TENM1: variants seen among roughly 807,000 people sequenced by gnomAD.
TENM1 encodes the protein teneurin transmembrane protein 1.
TENM1 carries 35 observed loss-of-function variants against 174.8 expected under a neutral mutation model. That is an observed-to-expected ratio of 0.20 (90% CI 0.15 to 0.27). The LOEUF (loss-of-function observed/expected upper bound fraction) is 0.27. Among genes scored for constraint, TENM1 ranks in the 10% least tolerant of loss-of-function variants. The pLI, the probability that TENM1 is intolerant of heterozygous loss-of-function variation, is 1.00. For synonymous variants in TENM1, 781 were observed against 798.7 expected (o/e 0.98, Z 0.37); for missense variants, 1,633 against 2,130.1 (o/e 0.77, Z 4.59).
At chrX:124,401,257 C>T (rs778275751) in intron 27 of TENM1, among the ~76,000 whole-genome samples, 9 of 111,911 alleles carry the variant, frequency 8.0e-5, no homozygotes, top group Non-Finnish European at 1.5e-4. Flanking sequence ...TATCATCTTA[C>T]CAAATGGGCC....
intron 3 of TENM1, among the ~76,000 whole-genome samples, chrX:124,827,557 G>A (rs1451820281): frequency 9.0e-6 from 1 of 111,554 alleles, no homozygotes; most frequent in East Asian, 2.8e-4. Flanking sequence ...TTTTGCTTGA[G>A]GGCCCTAAAC....
At chrX:124,689,116 T>G (rs1315027446) in intron 5 of TENM1, among the ~76,000 whole-genome samples, 1 of 111,997 alleles carries the variant, frequency 8.9e-6, no homozygotes, top group African/African-American at 3.2e-5. Flanking sequence ...TGGCTTCTTT[T>G]CTTTTTTATA....
intron 3 of TENM1, among the ~76,000 whole-genome samples, chrX:124,826,068 A>C: frequency 9.0e-6 from 1 of 111,486 alleles, no homozygotes; most frequent in Middle Eastern, 4.6e-3. Flanking sequence ...CTACTGCTGA[A>C]ATAATTTGAA....
At chrX:125,099,716 G>A in the TENM1 span, among the ~76,000 whole-genome samples, 1 of 111,274 alleles carries the variant, frequency 9.0e-6, no homozygotes, top group African/African-American at 3.3e-5. Context: ...CTTTTTAAAG[G>A]TTAATGAATT....
In TENM1 at chrX:124,788,783, C is replaced by G. The variant is rs752748136; in HGVS notation, c.536-51586G>C. 5.3e-5 allele frequency among the ~76,000 whole-genome samples: 6 copies of G among 112,635 alleles called. No individual in the cohort carries two copies. The East Asian group carries it at 1.7e-3, about 32-fold the overall frequency. On this transcript the variant is annotated intron_variant, in intron 3 of 31. Coordinates refer to ENST00000422452, the Ensembl canonical transcript of TENM1. ...CTACAGGGTATAGCCCCCCTCATGG[C>G]TGCTTTCATGGGCTTGTGTTGCATG...
intron 11 of TENM1, among the ~76,000 whole-genome samples, chrX:124,581,060 C>CTTTTT (rs1202109466): frequency 3.1e-5 from 2 of 63,967 alleles, no homozygotes; most frequent in East Asian, 7.1e-4. Flanking sequence ...ATACTTAGTT[C>CTTTTT]TTTTTTTTTT....
At chrX:124,781,683 A>T (rs1220789680) in intron 3 of TENM1, among the ~76,000 whole-genome samples, 6 of 111,237 alleles carry the variant, frequency 5.4e-5, no homozygotes, top group Non-Finnish European at 1.1e-4. Flanking sequence ...CTGGTCTCCA[A>T]AATGTATCCC....
intron 4 of TENM1, among the ~76,000 whole-genome samples, chrX:124,714,683 CATAAAT>C (rs1182023545): frequency 9.0e-6 from 1 of 111,049 alleles, no homozygotes; most frequent in Non-Finnish European, 1.9e-5. Flanking sequence ...TTAATATAAA[CATAAAT>C]ATAAATTAAA....
chrX:124,947,787 T>G (rs995498227), intron 1 of TENM1, among the ~76,000 whole-genome samples: 11 of 111,928 alleles, frequency 9.8e-5, no homozygotes, highest in African/African-American at 3.2e-4. Context: ...AAGTTAAGCC[T>G]CTTATGTGGA....
intron 15 of TENM1, among the ~76,000 whole-genome samples, chrX:124,533,419 C>T (rs1000970413): frequency 1.3e-4 from 15 of 111,125 alleles, no homozygotes; most frequent in Admixed American, 1.9e-4. Context: ...GAGGTATGTA[C>T]GGTGAGGGTC....
chrX:125,073,961 A>G, the TENM1 span, among the ~76,000 whole-genome samples: 7 of 112,078 alleles, frequency 6.2e-5, no homozygotes. Flanking sequence ...ATTAGGATTG[A>G]CATCAAAGAC....
intron 3 of TENM1, among the ~76,000 whole-genome samples, chrX:124,882,681 A>G (rs1315010022): frequency 8.9e-6 from 1 of 112,175 alleles, no homozygotes; most frequent in Admixed American, 9.4e-5. Context: ...TTTCTCTGAT[A>G]TGAGTAATGT....
intron 3 of TENM1, among the ~76,000 whole-genome samples, chrX:124,759,442 C>T (rs1309506680): frequency 9.0e-6 from 1 of 111,302 alleles, no homozygotes; most frequent in Admixed American, 9.6e-5. Context: ...ACACTGAACC[C>T]AATTTGTAGT....
At chrX:125,191,334 T>C in the TENM1 span, among the ~76,000 whole-genome samples, 1 of 111,970 alleles carries the variant, frequency 8.9e-6, no homozygotes, top group Non-Finnish European at 1.9e-5. Context: ...TGCTAGGTGA[T>C]ATGGATATAG....
the TENM1 span, among the ~76,000 whole-genome samples, chrX:125,125,805 A>C: frequency 2.7e-5 from 3 of 112,076 alleles, no homozygotes; most frequent in Admixed American, 1.9e-4. Context: ...TCAATACATC[A>C]TAAGAATCGT....
the TENM1 span, among the ~76,000 whole-genome samples, chrX:125,166,355 A>AT: frequency 9.0e-6 from 1 of 110,905 alleles, no homozygotes; most frequent in East Asian, 2.8e-4. Context: ...CACTATCTTG[A>AT]TTTTTTCACA....
At chrX:124,886,538 T>TAGAGAGAG (rs1471672479) in intron 3 of TENM1, among the ~76,000 whole-genome samples, 1 of 91,231 alleles carries the variant, frequency 1.1e-5, no homozygotes, top group African/African-American at 4.2e-5. Context: ...TATATATATA[T>TAGAGAGAG]ATATATATAT....
the TENM1 span, among the ~76,000 whole-genome samples, chrX:124,980,949 G>T: frequency 8.9e-6 from 1 of 111,821 alleles, no homozygotes; most frequent in Non-Finnish European, 1.9e-5. Flanking sequence ...AGTTTTGGAT[G>T]GAAAATTTGA....
the TENM1 span, among the ~76,000 whole-genome samples, chrX:124,972,828 A>T: frequency 8.9e-6 from 1 of 112,428 alleles, no homozygotes; most frequent in East Asian, 2.8e-4. Context: ...TGTCAAAGAG[A>T]TAACACTCAA....
Sources: gnomAD v4.1 joint callset for allele counts (sites outside exome capture counted in the v4.1 genomes callset) on GRCh38, gnomAD v4.1.1 for gene constraint, MANE v1.5 for transcripts, NCBI Gene and HGNC (gene_info 2026-07-23, HGNC 2026-07-21) for gene names.